Variants in RPTOR observed in about 807,000 individuals in gnomAD.
The protein encoded by RPTOR is regulatory-associated protein of mTOR.
RPTOR carries 21 observed loss-of-function variants against 169.9 expected under a neutral mutation model. The observed-to-expected ratio is 0.12, with a 90% CI of 0.09 to 0.18. The LOEUF is 0.18. Among genes scored for constraint, RPTOR ranks in the 10% least tolerant of loss-of-function variants. The pLI is 1.00. For missense variants in RPTOR, 1,133 were observed against 1,855.9 expected, an observed-to-expected ratio of 0.61 and a Z score of 7.16; for synonymous variants, 732 against 753.2, an observed-to-expected ratio of 0.97 and a Z score of 0.46.
chr17:80,727,039 G>A (rs563385827), intron 4 of RPTOR, among the ~76,000 whole-genome samples: 6 of 152,178 alleles, frequency 3.9e-5, no homozygotes, highest in African/African-American at 9.6e-5. Context: ...GTCACGCTGC[G>A]AGAACGTGGG....
chr17:80,606,587 T>G (rs1249762692), intron 1 of RPTOR, among the ~76,000 whole-genome samples: 1 of 152,164 alleles, frequency 6.6e-6, no homozygotes, highest in South Asian at 2.1e-4. Flanking sequence ...AGCAGTTGAT[T>G]AAGGATTTTG....
chr17:80,669,487 C>T (rs781049139), intron 3 of RPTOR, among the ~76,000 whole-genome samples: 7 of 152,200 alleles, frequency 4.6e-5, no homozygotes, highest in East Asian at 3.9e-4. Context: ...CAGGTTCAAG[C>T]GATTCTCCTG....
chr17:80,752,584 G>C (rs775982654), intron 5 of RPTOR, among the ~76,000 whole-genome samples: 1 of 152,154 alleles, frequency 6.6e-6, no homozygotes, highest in East Asian at 1.9e-4. Context: ...TTCTGAAAAC[G>C]ACAGCAAAAC....
intron 11 of RPTOR, among the ~76,000 whole-genome samples, chr17:80,847,347 G>C (rs2067743116): frequency 1.3e-5 from 2 of 152,252 alleles, no homozygotes; most frequent in Non-Finnish European, 2.9e-5. Flanking sequence ...TGGAAATTGA[G>C]GAGTTCGTCA....
At chr17:80,655,247 G>A (rs1390783807) in intron 3 of RPTOR, among the ~76,000 whole-genome samples, 1 of 152,036 alleles carries the variant, frequency 6.6e-6, no homozygotes, top group African/African-American at 2.4e-5. Flanking sequence ...CACCACACCT[G>A]GCTAATTTTT....
intron 3 of RPTOR, among the ~76,000 whole-genome samples, chr17:80,668,983 TC>T (rs1487315568): frequency 8.2e-5 from 12 of 145,968 alleles, no homozygotes; most frequent in Non-Finnish European, 1.6e-4. Context: ...GTCTGCTGCC[TC>T]CCGGGTGCTT....
At chr17:80,732,603 A>G (rs965982611) in intron 5 of RPTOR, among the ~76,000 whole-genome samples, 9 of 152,248 alleles carry the variant, frequency 5.9e-5, no homozygotes, top group African/African-American at 2.2e-4. Flanking sequence ...GCGATACCGT[A>G]TGTCTTTAAT....
At chr17:80,749,539 C>T (rs900087989) in intron 5 of RPTOR, among the ~76,000 whole-genome samples, 1 of 143,962 alleles carries the variant, frequency 6.9e-6, no homozygotes, top group African/African-American at 2.6e-5. Flanking sequence ...GATGGAGGGG[C>T]TGCGGTGTGT....
At chr17:80,697,170 A>G (rs1056362236) in intron 3 of RPTOR, among the ~76,000 whole-genome samples, 15 of 149,328 alleles carry the variant, frequency 1.0e-4, no homozygotes, top group African/African-American at 3.4e-4. Flanking sequence ...GAGAGGGGAC[A>G]TGGGGGCGGT....
At chr17:80,793,827 T>C (rs60103901) in intron 7 of RPTOR, among the ~76,000 whole-genome samples, 6,781 of 152,306 alleles carry the variant, frequency 0.045, 547 homozygotes, top group African/African-American at 0.16. Flanking sequence ...TGAGTCAAAC[T>C]ACCTTATTTT....
At chr17:80,752,543 A>G (rs2066640490) in intron 5 of RPTOR, among the ~76,000 whole-genome samples, 1 of 152,256 alleles carries the variant, frequency 6.6e-6, no homozygotes, top group African/African-American at 2.4e-5. Context: ...TTACTGGCCA[A>G]AATGCCAGGA....
At chr17:80,840,650 T>TCACCGCACGGCAG (rs2067627030) in intron 10 of RPTOR, among the ~76,000 whole-genome samples, 1 of 48,724 alleles carries the variant, frequency 2.1e-5, no homozygotes, top group East Asian at 6.3e-4. Flanking sequence ...GGCAGCTCAC[T>TCACCGCACGGCAG]CTCACCACAC....
At chr17:80,637,180 C>T (rs1257492841) in intron 2 of RPTOR, among the ~76,000 whole-genome samples, 1 of 152,190 alleles carries the variant, frequency 6.6e-6, no homozygotes, top group African/African-American at 2.4e-5. Flanking sequence ...GTGCCTGAAC[C>T]ATGCAGGAAG....
In RPTOR at chr17:80,675,675, C is replaced by T. The variant is rs148741766; in HGVS notation, c.348+31865C>T. On this transcript the variant is annotated intron_variant, in intron 3 of 33. Coordinates refer to ENST00000306801, the MANE Select transcript of RPTOR (RefSeq NM_020761.3). Reference sequence around the variant, plus strand: ...AGGCCCGCGGAACCCGGCTGCTCTGCTCACCGGGCTCGGGCCCGCAGAACC... The same window carrying T: ...AGGCCCGCGGAACCCGGCTGCTCTGTTCACCGGGCTCGGGCCCGCAGAACC... Among the ~76,000 whole-genome samples the T allele has an allele frequency of 9.0e-3, 1,368 of 152,158 alleles. 23 individuals are homozygous for T. Among genetic ancestry groups the T allele is most frequent in the African/African-American group, 0.031 (1,270 of 41,508 alleles).
chr17:80,705,909 C>T (rs922547530), intron 3 of RPTOR, among the ~76,000 whole-genome samples: 1 of 152,118 alleles, frequency 6.6e-6, no homozygotes, highest in African/African-American at 2.4e-5. Context: ...TCAGTCACAT[C>T]AGCAGGTGCT....
At chr17:80,879,343 C>A (rs1036616769) in intron 13 of RPTOR, among the ~76,000 whole-genome samples, 9 of 150,776 alleles carry the variant, frequency 6.0e-5, no homozygotes, top group Admixed American at 2.0e-4. Flanking sequence ...TCCTGCCCAA[C>A]GCCACCTGCC....
intron 1 of RPTOR, among the ~76,000 whole-genome samples, chr17:80,594,152 G>A (rs1183591424): frequency 3.9e-5 from 6 of 152,038 alleles, no homozygotes; most frequent in Non-Finnish European, 8.8e-5. Flanking sequence ...GCAGTGCAGT[G>A]GTGCGATCTC....
intron 1 of RPTOR, among the ~76,000 whole-genome samples, chr17:80,601,391 G>A (rs1055471215): frequency 3.5e-4 from 11 of 31,494 alleles, no homozygotes; most frequent in African/African-American, 2.0e-3. Flanking sequence ...CAGCGCCGGC[G>A]GGCCGCTCTC....
At chr17:80,805,444 T>G (rs2067209065) in intron 7 of RPTOR, 1 of 152,278 alleles carries the variant, frequency 6.6e-6, no homozygotes. Context: ...CTGCTTCCCC[T>G]TATTTTAGGA....
Sources: allele counts gnomAD v4.1 joint callset (sites outside exome capture counted in the v4.1 genomes callset), GRCh38; gene constraint gnomAD v4.1.1; transcripts MANE v1.5; gene names NCBI Gene and HGNC (gene_info 2026-07-23, HGNC 2026-07-21).